The following ADARB2 variants were observed in gnomAD, a reference collection of about 807,000 sequenced individuals.
ADARB2 encodes the protein inactive double-stranded RNA-specific editase B2.
A neutral mutation model predicts 62.2 loss-of-function variants in ADARB2; 25 were observed. The ratio of observed to expected loss-of-function variants is 0.40; its 90% CI spans 0.29 to 0.56. The LOEUF is 0.56. ADARB2 is among the 20% of genes least tolerant of loss of function. The pLI, the probability that ADARB2 is intolerant of heterozygous loss-of-function variation, is 0.43. For missense variants in ADARB2, 1,071 were observed against 1,077.4 expected, an observed-to-expected ratio of 0.99 and a Z score of 0.08; for synonymous variants, 572 against 500.8, an observed-to-expected ratio of 1.14 and a Z score of -1.90.
At chr10:1,341,906 G>A (rs1378921048) in intron 3 of ADARB2, among the ~76,000 whole-genome samples, 6 of 152,260 alleles carry the variant, frequency 3.9e-5, no homozygotes, top group Non-Finnish European at 5.9e-5. Flanking sequence ...CCGCAGTGGC[G>A]ATTTCCTTCA....
chr10:1,499,554 A>T (rs1423454698), intron 1 of ADARB2, among the ~76,000 whole-genome samples: 1 of 151,174 alleles, frequency 6.6e-6, no homozygotes, highest in African/African-American at 2.4e-5. Flanking sequence ...TGTCTCACTC[A>T]TCACTCATCA....
chr10:1,494,244 A>C (rs1427745807), intron 1 of ADARB2, among the ~76,000 whole-genome samples: 1 of 152,188 alleles, frequency 6.6e-6, no homozygotes, highest in Non-Finnish European at 1.5e-5. Flanking sequence ...TAAAATTATG[A>C]AGGAATGAGC....
At chr10:1,486,976 C>T (rs2131928776) in intron 1 of ADARB2, among the ~76,000 whole-genome samples, 1 of 152,352 alleles carries the variant, frequency 6.6e-6, no homozygotes, top group South Asian at 2.1e-4. Context: ...ACTCAGACCT[C>T]CCACACAGAC....
chr10:1,359,925 T>C (rs189042097), intron 3 of ADARB2, among the ~76,000 whole-genome samples: 4 of 152,344 alleles, frequency 2.6e-5, no homozygotes, highest in East Asian at 3.9e-4. Context: ...CACCATCACA[T>C]TGGAAACTTT....
chr10:1,460,758 G>C (rs367736267), intron 1 of ADARB2, among the ~76,000 whole-genome samples: 1 of 129,812 alleles, frequency 7.7e-6, no homozygotes, highest in Admixed American at 7.4e-5. Context: ...GTTTACCTGC[G>C]TAACAAACCT....
chr10:1,280,222 T>A (rs1297002799), intron 3 of ADARB2, among the ~76,000 whole-genome samples: 1 of 152,188 alleles, frequency 6.6e-6, no homozygotes, highest in Non-Finnish European at 1.5e-5. Flanking sequence ...ACAGCCACAC[T>A]GGGAATTAGG....
intron 1 of ADARB2, among the ~76,000 whole-genome samples, chr10:1,538,284 G>C (rs1050322398): frequency 1.5e-4 from 23 of 152,240 alleles, no homozygotes; most frequent in African/African-American, 5.5e-4. Flanking sequence ...GGGAGCCCGT[G>C]GGTCTGTGCC....
intron 1 of ADARB2, among the ~76,000 whole-genome samples, chr10:1,484,252 T>C (rs1020464552): frequency 1.3e-5 from 2 of 152,260 alleles, no homozygotes; most frequent in African/African-American, 2.4e-5. Context: ...TGAAAAGTGG[T>C]GTGCAAAAAC....
At chr10:1,198,329 A>G (rs997484860) in intron 8 of ADARB2, among the ~76,000 whole-genome samples, 3 of 152,194 alleles carry the variant, frequency 2.0e-5, no homozygotes, top group Non-Finnish European at 1.5e-5. Context: ...CCTTGAGGGA[A>G]GCTTCAAGCA....
At chr10:1,636,591 G>C (rs972862993) in intron 1 of ADARB2, among the ~76,000 whole-genome samples, 1 of 151,970 alleles carries the variant, frequency 6.6e-6, no homozygotes, top group African/African-American at 2.4e-5. Context: ...AGATACCACA[G>C]TTCATGCCAC....
chr10:1,401,193 A>C (rs970035639), intron 1 of ADARB2, among the ~76,000 whole-genome samples: 4 of 152,156 alleles, frequency 2.6e-5, no homozygotes, highest in African/African-American at 9.7e-5. Flanking sequence ...GAGCCTCCGG[A>C]GCAGCTGAGG....
At chr10:1,611,170 G>A (rs1169600995) in intron 1 of ADARB2, among the ~76,000 whole-genome samples, 2 of 152,218 alleles carry the variant, frequency 1.3e-5, no homozygotes, top group Admixed American at 1.3e-4. Context: ...AGGCTGAGGA[G>A]TGTCACAGGC....
intron 2 of ADARB2, among the ~76,000 whole-genome samples, chr10:1,374,307 C>CA (rs1442236231): frequency 6.6e-6 from 1 of 152,344 alleles, no homozygotes; most frequent in Admixed American, 6.5e-5. Flanking sequence ...GAGGCATCTG[C>CA]ATGGGAAAAT....
At chr10:1,225,282 C>T (rs1187164475) in intron 6 of ADARB2, among the ~76,000 whole-genome samples, 1 of 152,110 alleles carries the variant, frequency 6.6e-6, no homozygotes, top group African/African-American at 2.4e-5. Flanking sequence ...GATCTTCCTC[C>T]ATCCCTTTGA....
In ADARB2 at chr10:1,571,628, G is replaced by A. The variant is rs111994611; in HGVS notation, c.100+165423C>T. Among the ~76,000 whole-genome samples, 939 of 152,334 alleles carry A rather than the reference G, an allele frequency of 6.2e-3. 6 individuals are homozygous for A. The highest frequency in any genetic ancestry group is 0.01 in the Middle Eastern group (3 of 294). ...TAGTTGCAGAGGTGAGAGTGCAGGC[G>A]AGCAGGCAGGTGAGTATGCAGGTGA... On this transcript the variant is annotated intron_variant, in intron 1 of 9. Coordinates refer to ENST00000381312, the MANE Select transcript of ADARB2 (RefSeq NM_018702.4).
chr10:1,602,947 TG>T (rs1335583974), intron 1 of ADARB2, among the ~76,000 whole-genome samples: 1 of 142,436 alleles, frequency 7.0e-6, no homozygotes, highest in Non-Finnish European at 1.6e-5. Context: ...TGCGCACACC[TG>T]TACACACATG....
At chr10:1,593,112 G>T (rs1166687524) in intron 1 of ADARB2, among the ~76,000 whole-genome samples, 5 of 106,150 alleles carry the variant, frequency 4.7e-5, no homozygotes, top group Non-Finnish European at 7.5e-5. Flanking sequence ...CTCCTCTCTG[G>T]CATGGTCCCC....
chr10:1,467,478 C>T (rs889558989), intron 1 of ADARB2, among the ~76,000 whole-genome samples: 4 of 152,270 alleles, frequency 2.6e-5, no homozygotes, highest in African/African-American at 7.2e-5. Flanking sequence ...CATCTCCAAC[C>T]GCGTTATTTC....
chr10:1,713,428 C>T (rs1350655072), intron 1 of ADARB2, among the ~76,000 whole-genome samples: 4 of 152,206 alleles, frequency 2.6e-5, no homozygotes, highest in East Asian at 1.9e-4. Flanking sequence ...GGGCAGGGGG[C>T]GAAGCTTGGT....
Sources: allele counts gnomAD v4.1 joint callset (sites outside exome capture counted in the v4.1 genomes callset), GRCh38; gene constraint gnomAD v4.1.1; transcripts MANE v1.5; gene names NCBI Gene and HGNC (gene_info 2026-07-23, HGNC 2026-07-21).